OAT: variants seen among roughly 807,000 people sequenced by gnomAD.
OAT encodes ornithine aminotransferase, mitochondrial.
In OAT, 35 loss-of-function variants were observed where a neutral mutation model predicts 48.4. That is an observed-to-expected ratio of 0.72 (90% CI 0.55 to 0.96). The LOEUF (loss-of-function observed/expected upper bound fraction) is 0.96, where lower values mean the gene tolerates loss of function less well. Among genes scored for constraint, OAT ranks in the 40% least tolerant of loss-of-function variants. OAT has a pLI of 0.00. For missense variants in OAT, 438 were observed against 537.9 expected (o/e 0.81, Z 1.84); for synonymous variants, 182 against 198.4 (o/e 0.92, Z 0.70).
chr10:124,416,050 T>C (rs1951910276), intron 1 of OAT, among the ~76,000 whole-genome samples: 1 of 152,248 alleles, frequency 6.6e-6, no homozygotes, highest in South Asian at 2.1e-4. Context: ...ATTTTTTCTA[T>C]GCATAATTAG....
chr10:124,404,023 G>T (rs1951500971), intron 5 of OAT, 103 bp from the exon 6 acceptor site: 3 of 1,375,418 alleles, frequency 2.2e-6, no homozygotes, highest in Non-Finnish European at 3.1e-6. Flanking sequence ...TGCAAATCAA[G>T]TTTTCGCACT....
intron 4 of OAT, chr10:124,406,245 C>G: frequency 1.2e-5 from 6 of 495,608 alleles, no homozygotes; most frequent in Non-Finnish European, 1.6e-5. Flanking sequence ...AATCCCTGCA[C>G]TTTGGGAGGC....
At chr10:124,413,744 G>C (rs915449073) in intron 1 of OAT, among the ~76,000 whole-genome samples, 1 of 152,148 alleles carries the variant, frequency 6.6e-6, no homozygotes, top group African/African-American at 2.4e-5. Flanking sequence ...AAACTAGAGA[G>C]AGTCAAACTA....
rs1951273320 is a variant in OAT, at chr10:124,397,816, T to C, written c.*126A>G. On this transcript the variant is annotated 3_prime_UTR_variant, in exon 10 of 10. Coordinates refer to ENST00000368845, the MANE Select transcript of OAT (RefSeq NM_000274.4). Reference sequence around the variant, plus strand: ...TCTATTATGTATCAACTGAAAAAAATATATTCAAAAAAAAAGTTTTTGAAG... The same window carrying C: ...TCTATTATGTATCAACTGAAAAAAACATATTCAAAAAAAAAGTTTTTGAAG... The C allele has an allele frequency of 9.5e-7, 1 of 1,048,176 alleles. No homozygotes were observed. Among genetic ancestry groups the C allele is most frequent in the Non-Finnish European group, 1.4e-6 (1 of 695,510 alleles). 64.9% of individuals were successfully genotyped at this position (1,048,176 alleles called of 1,614,324 possible). A position where few individuals can be genotyped will look rare whatever the true frequency, so the allele number is the denominator to read the frequency against.
At chr10:124,417,020 T>C (rs1252984676) in intron 1 of OAT, among the ~76,000 whole-genome samples, 1 of 152,086 alleles carries the variant, frequency 6.6e-6, no homozygotes, top group Non-Finnish European at 1.5e-5. Context: ...TCCACACACA[T>C]CCAAATTCGT....
intron 9 of OAT, among the ~76,000 whole-genome samples, chr10:124,399,993 T>G (rs904233450): frequency 6.6e-6 from 1 of 152,220 alleles, no homozygotes; most frequent in Admixed American, 6.5e-5. Context: ...AATAAGTGTC[T>G]TAAAGGAACA....
At chr10:124,401,676 T>C in intron 8 of OAT, 50 bp downstream of exon 8, 1 of 1,269,778 alleles carries the variant, frequency 7.9e-7, no homozygotes, top group Non-Finnish European at 1.1e-6. Context: ...TAAAAATCAC[T>C]TCAACATTGC....
chr10:124,410,682 C>T (rs1028782635), intron 2 of OAT, among the ~76,000 whole-genome samples: 2 of 152,098 alleles, frequency 1.3e-5, no homozygotes, highest in Non-Finnish European at 2.9e-5. Context: ...CCTGTAGTCC[C>T]AGCTACTTGG....
rs550780920 is a variant in OAT, at chr10:124,404,539, G to C, written c.649-619C>G. Among the ~76,000 whole-genome samples, 4 of 151,586 alleles carry C rather than the reference G, an allele frequency of 2.6e-5. No homozygotes were observed. The South Asian group carries it at 8.4e-4, about 32-fold the overall frequency. ...TGACCTCAAGCAATCTGCCTGCCTC[G>C]GCCTCCCAAAGTGCTGCGATTACAG... is the stretch of plus-strand genomic sequence containing the variant. On this transcript the variant is annotated intron_variant, in intron 5 of 9. Transcript: ENST00000368845.
intron 1 of OAT, among the ~76,000 whole-genome samples, chr10:124,416,866 T>A (rs1951933343): frequency 6.9e-6 from 1 of 144,424 alleles, no homozygotes. Flanking sequence ...TACAGGCCTT[T>A]AAAAAAAAAA....
intron 2 of OAT, among the ~76,000 whole-genome samples, chr10:124,410,077 G>A (rs1426749639): frequency 6.6e-6 from 1 of 152,140 alleles, no homozygotes; most frequent in African/African-American, 2.4e-5. Context: ...ACCAAAATGT[G>A]TGATACTCTT....
At chr10:124,398,444 C>A (rs1265462469) in intron 9 of OAT, among the ~76,000 whole-genome samples, 2 of 151,310 alleles carry the variant, frequency 1.3e-5, no homozygotes, top group Non-Finnish European at 1.5e-5. Context: ...GAGGCGGAGG[C>A]TGCAGTGAGC....
At chr10:124,401,917 T>A (rs1323608823) in intron 7 of OAT, 78 bp from the exon 8 acceptor site, 2 of 1,082,786 alleles carry the variant, frequency 1.8e-6, no homozygotes, top group Non-Finnish European at 2.8e-6. Flanking sequence ...AGAGTCTCGC[T>A]GTCACCCAGG....
Position 124,401,803 on chromosome 10 carries a change from T to C in OAT, c.937A>G (p.Thr313Ala), listed in dbSNP as rs776048749. The C allele has an allele frequency of 1.2e-5, 19 of 1,613,360 alleles. No homozygotes were observed. Among genetic ancestry groups the C allele is most frequent in the Non-Finnish European group, 1.1e-5 (13 of 1,179,826 alleles). Residue 313 changes from threonine to alanine, a missense_variant, in exon 8 of 10, where the codon ACC (threonine) becomes GCC (alanine). Coordinates refer to ENST00000368845, the MANE Select transcript of OAT (RefSeq NM_000274.4). ...AVLCDDDIML[T>A]IKPGEHGSTY... is the part of the protein sequence containing the mutation. ...GACCCATGCTCCCCTGGCTTAATGG[T>C]CAGCATGATGTCATCATCACACAGC...
At chr10:124,403,515 T>TAGAGCAGCGAGGAAGGAAACGCTGTTAAG (rs1478918296) in intron 6 of OAT, among the ~76,000 whole-genome samples, 2 of 152,202 alleles carry the variant, frequency 1.3e-5, no homozygotes, top group Non-Finnish European at 2.9e-5. Context: ...GAAAGGCTCT[T>TAGAGCAGCGAGGAAGGAAACGCTGTTAAG]AGAGCAGCGA....
At chr10:124,407,223 C>T (rs1164091174) in intron 4 of OAT, 1 of 985,378 alleles carries the variant, frequency 1.0e-6, no homozygotes, top group Non-Finnish European at 1.2e-6. Flanking sequence ...CTGATTAGAC[C>T]ATAAGCCTAT....
At chr10:124,403,761 G>C in intron 6 of OAT, 37 bp downstream of exon 6, 3 of 1,613,344 alleles carry the variant, frequency 1.9e-6, no homozygotes, top group Non-Finnish European at 2.5e-6. Flanking sequence ...CAGCTAACTC[G>C]ACATTCAGCC....
At chr10:124,406,222 G>T in intron 4 of OAT, 2 of 698,636 alleles carry the variant, frequency 2.9e-6, no homozygotes, top group Non-Finnish European at 3.5e-6. Context: ...CAGGCACAGT[G>T]GCTCACTTAT....
chr10:124,405,731 C>G, intron 4 of OAT, 168 bp from the exon 5 acceptor site: 2 of 1,449,626 alleles, frequency 1.4e-6, no homozygotes, highest in Non-Finnish European at 1.8e-6. Context: ...ATATTAAACA[C>G]CATGGCTCCT....
Sources: gnomAD v4.1 joint callset for allele counts (sites outside exome capture counted in the v4.1 genomes callset) on GRCh38, gnomAD v4.1.1 for gene constraint, MANE v1.5 for transcripts, NCBI Gene and HGNC (gene_info 2026-07-23, HGNC 2026-07-21) for gene names.